Variants in UBE4B observed in about 807,000 individuals in gnomAD.
UBE4B encodes the protein ubiquitination factor E4B, also known as ubiquitin conjugation factor E4 B.
Under a neutral mutation model 148.1 loss-of-function variants are expected in UBE4B, and 27 were observed. That is an observed-to-expected ratio of 0.18 (90% CI 0.13 to 0.25). The LOEUF is 0.25. Ranked by LOEUF, UBE4B falls within the 10% of genes least tolerant of loss-of-function variation. The pLI is 1.00. For missense variants in UBE4B, 1,170 were observed against 1,662.4 expected (o/e 0.70, Z 5.15); for synonymous variants, 596 against 619.3 (o/e 0.96, Z 0.56).
At chr1:10,120,337 A>G (rs1020247337) in intron 9 of UBE4B, among the ~76,000 whole-genome samples, 5 of 152,070 alleles carry the variant, frequency 3.3e-5, no homozygotes, top group African/African-American at 9.7e-5. Flanking sequence ...CCTGGCCAAC[A>G]TGGCAAAATT....
chr1:10,104,594 A>G (rs1274555260), intron 5 of UBE4B, among the ~76,000 whole-genome samples: 1 of 152,174 alleles, frequency 6.6e-6, no homozygotes, highest in Non-Finnish European at 1.5e-5. Context: ...TTTCTGGAGG[A>G]TAGATAAGAC....
intron 16 of UBE4B, among the ~76,000 whole-genome samples, chr1:10,136,539 A>G (rs1412348520): frequency 6.6e-6 from 1 of 152,016 alleles, no homozygotes; most frequent in African/African-American, 2.4e-5. Flanking sequence ...TTAACGAGGT[A>G]GGACAGAATA....
At position 10,178,730 on chromosome 1, in the gene UBE4B, T is replaced by C. The variant is rs201699830; in HGVS notation, c.3612T>C (p.Phe1204=). 1 of 1,613,854 alleles carries C rather than the reference T, an allele frequency of 6.2e-7. No individual in the cohort carries two copies. The highest frequency in any genetic ancestry group is 1.3e-5 in the African/African-American group (1 of 75,000). Residue 1204 remains phenylalanine (F), a synonymous_variant, in exon 26 of 28, where the codon TTT becomes TTC. Coordinates refer to ENST00000343090, the MANE Select transcript of UBE4B (RefSeq NM_001105562.3). ...AATCCACAATAGCAATAGAAAAATTTAAGCTGCTCGCCGAGAAAGTGGAGG... is the reference window on the plus strand; with the variant it reads ...AATCCACAATAGCAATAGAAAAATTCAAGCTGCTCGCCGAGAAAGTGGAGG... ...GIKSTIAIEK[F]KLLAEKVEEI...
intron 25 of UBE4B, among the ~76,000 whole-genome samples, chr1:10,177,438 C>T (rs376272861): frequency 1.3e-5 from 2 of 152,010 alleles, no homozygotes; most frequent in African/African-American, 4.8e-5. Flanking sequence ...TTCAGTGAGC[C>T]GAGAGCGTGC....
chr1:10,153,444 C>G (rs1322965470), intron 21 of UBE4B, among the ~76,000 whole-genome samples: 1 of 127,960 alleles, frequency 7.8e-6, no homozygotes, highest in African/African-American at 3.0e-5. Context: ...GAGCTATGAT[C>G]TTGCTGCTGC....
chr1:10,173,476 T>C, intron 25 of UBE4B, among the ~76,000 whole-genome samples: 1 of 138,108 alleles, frequency 7.2e-6, no homozygotes, highest in Middle Eastern at 3.3e-3. Context: ...AGCAAGACTG[T>C]CTCAAAAAAA....
In UBE4B at chr1:10,043,825, C is replaced by G. The variant is rs533598793; in HGVS notation, c.24+10131C>G. ...TGTTTAGGTGTGAACCTGGTTATAC[C>G]TGTTCATGTAATCACCCCTTCAGTT... On this transcript the variant is annotated intron_variant, in intron 1 of 27. Transcript: ENST00000343090. Among the ~76,000 whole-genome samples, 23 of 152,276 alleles carry G rather than the reference C, an allele frequency of 1.5e-4. No homozygotes were observed. In the South Asian group the frequency reaches 3.7e-3, roughly 25 times the overall value.
intron 7 of UBE4B, among the ~76,000 whole-genome samples, chr1:10,109,313 C>T (rs151208851): frequency 3.5e-4 from 53 of 152,322 alleles, no homozygotes; most frequent in Non-Finnish European, 6.2e-4. Flanking sequence ...CTGCCACCCA[C>T]TTTTCCATTT....
intron 2 of UBE4B, among the ~76,000 whole-genome samples, chr1:10,075,726 A>G (rs1644565561): frequency 6.6e-6 from 1 of 152,220 alleles, no homozygotes; most frequent in African/African-American, 2.4e-5. Flanking sequence ...GAAAAAACAA[A>G]CAGAAAATCT....
intron 1 of UBE4B, among the ~76,000 whole-genome samples, chr1:10,065,409 A>C (rs1196046549): frequency 6.6e-6 from 1 of 152,168 alleles, no homozygotes; most frequent in Non-Finnish European, 1.5e-5. Flanking sequence ...CTGTGTGTTG[A>C]AGGAAGAGGA....
intron 10 of UBE4B, among the ~76,000 whole-genome samples, chr1:10,126,367 A>G (rs1193175548): frequency 2.0e-5 from 3 of 152,184 alleles, no homozygotes; most frequent in Non-Finnish European, 4.4e-5. Flanking sequence ...AGGAGGAAAT[A>G]TTGGAACATT....
chr1:10,113,277 C>G (rs955439939), intron 7 of UBE4B, among the ~76,000 whole-genome samples: 3 of 152,198 alleles, frequency 2.0e-5, no homozygotes, highest in African/African-American at 4.8e-5. Flanking sequence ...TGAGAACTCA[C>G]TCATCACCAG....
chr1:10,046,180 C>T (rs991428674), intron 1 of UBE4B, among the ~76,000 whole-genome samples: 1 of 152,194 alleles, frequency 6.6e-6, no homozygotes. Flanking sequence ...CTCTCACTGG[C>T]TGGAACCCAA....
intron 26 of UBE4B, chr1:10,179,061 T>C (rs1273115628): frequency 2.1e-6 from 1 of 484,606 alleles, no homozygotes; most frequent in East Asian, 3.5e-5. Context: ...AGGGCAGGGC[T>C]GCCTTTGCAA....
intron 1 of UBE4B, among the ~76,000 whole-genome samples, chr1:10,051,113 T>C (rs1644032256): frequency 6.6e-6 from 1 of 152,078 alleles, no homozygotes. Context: ...CTCAGATGAT[T>C]TTCCCGCCTC....
chr1:10,062,992 C>T (rs1040292143), intron 1 of UBE4B, among the ~76,000 whole-genome samples: 12 of 150,010 alleles, frequency 8.0e-5, no homozygotes, highest in African/African-American at 2.9e-4. Context: ...ATAGTGATGG[C>T]GAATAAAACA....
intron 17 of UBE4B, among the ~76,000 whole-genome samples, chr1:10,142,094 C>T (rs1393598254): frequency 6.6e-6 from 1 of 151,914 alleles, no homozygotes; most frequent in African/African-American, 2.4e-5. Flanking sequence ...AGCCACTCCA[C>T]ATCCTCATTC....
intron 2 of UBE4B, among the ~76,000 whole-genome samples, chr1:10,081,611 G>T (rs1036844947): frequency 6.6e-6 from 1 of 151,296 alleles, no homozygotes; most frequent in Non-Finnish European, 1.5e-5. Flanking sequence ...TGTTTGAGTT[G>T]GAGTTTCGCT....
rs971545847 is a variant in UBE4B, at chr1:10,179,216, CAAAG to C, written c.3701-197_3701-194del. 64 of 619,844 alleles carry C rather than the reference CAAAG, an allele frequency of 1.0e-4. No homozygotes were observed. The African/African-American group carries it at 1.1e-3, about 11-fold the overall frequency. The allele number at this position is 619,844 out of a possible 1,614,324, so 38.4% of individuals were successfully genotyped here. ...GTTCCCTCCCCCCAGCAGTAGCTGA[CAAAG>C]AAGCGCCTTCCCCTTACAAAAGGCA... On this transcript the variant is annotated intron_variant, in intron 26 of 27. Coordinates refer to ENST00000343090, the MANE Select transcript of UBE4B (RefSeq NM_001105562.3).
Sources: allele counts gnomAD v4.1 joint callset (sites outside exome capture counted in the v4.1 genomes callset), GRCh38; gene constraint gnomAD v4.1.1; transcripts MANE v1.5; gene names NCBI Gene and HGNC (gene_info 2026-07-23, HGNC 2026-07-21).